The following GDE1 variants were observed in gnomAD, a reference collection of about 807,000 sequenced individuals.
The protein encoded by GDE1 is RGS16-interacting membrane protein.
A neutral mutation model predicts 32.2 loss-of-function variants in GDE1; 24 were observed. The observed-to-expected ratio is 0.75, with a 90% CI of 0.54 to 1.05. The LOEUF (loss-of-function observed/expected upper bound fraction) is 1.05. Among genes scored for constraint, GDE1 ranks in the 50% least tolerant of loss-of-function variants. The pLI is 0.00. For missense variants in GDE1, 380 were observed against 415.0 expected (o/e 0.92, Z 0.73); for synonymous variants, 159 against 158.6 (o/e 1.00, Z -0.02).
At chr16:19,503,689 G>T in intron 5 of GDE1, 72 bp from the exon 6 acceptor site, 1 of 1,287,652 alleles carries the variant, frequency 7.8e-7, no homozygotes, top group Non-Finnish European at 1.1e-6. Flanking sequence ...TGGCCACTAA[G>T]TATGGTGTTC....
At chr16:19,518,916 C>T (rs1969414421) in intron 1 of GDE1, among the ~76,000 whole-genome samples, 1 of 152,174 alleles carries the variant, frequency 6.6e-6, no homozygotes, top group Admixed American at 6.5e-5. Flanking sequence ...GCTCTCACAA[C>T]AATCAACCCC....
intron 3 of GDE1, among the ~76,000 whole-genome samples, chr16:19,509,559 G>A (rs1177541150): frequency 6.6e-6 from 1 of 151,902 alleles, no homozygotes; most frequent in Non-Finnish European, 1.5e-5. Context: ...TACAACTATC[G>A]GTTTACTAGA....
At chr16:19,508,505 A>G (rs1969276269) in intron 3 of GDE1, among the ~76,000 whole-genome samples, 1 of 152,190 alleles carries the variant, frequency 6.6e-6, no homozygotes, top group Non-Finnish European at 1.5e-5. Context: ...AATTTTTGGA[A>G]TGTTACACAT....
chr16:19,521,782 G>T lies in GDE1; in HGVS notation c.183C>A (p.Pro61=). 6.2e-7 allele frequency: 1 copy of T among 1,612,082 alleles called. No homozygotes were observed. Among genetic ancestry groups the T allele is most frequent in the South Asian group, 1.1e-5 (1 of 90,718 alleles). ...PSCRALQVLK[P]RDRISAIAHR... ...GGGCGATGGCAGAAATGCGGTCCCG[G>T]GGCTTGAGCACCTGCAGGGCCCTGC... The change falls in exon 1 of 6, where the codon CCC becomes CCA. Residue 61 remains proline, a synonymous_variant. Transcript: ENST00000353258.
chr16:19,504,823 T>G, intron 5 of GDE1, 58 bp downstream of exon 5: 1 of 1,105,586 alleles, frequency 9.0e-7, no homozygotes, highest in Middle Eastern at 2.0e-4. Context: ...AATCCTTCCT[T>G]TCAAATAAGA....
Position 19,503,450 on chromosome 16 carries a change from T to A in GDE1, c.*20A>T. On this transcript the variant is annotated 3_prime_UTR_variant, in exon 6 of 6. Transcript: ENST00000353258. ...AGGCCCCTGGCAGTTTCTGAACCCG[T>A]TTCGTCCCACCGTGAAAGTCTAGAA... 1 of 1,611,544 alleles carries A rather than the reference T, an allele frequency of 6.2e-7. No individual in the cohort carries two copies. The highest frequency in any genetic ancestry group is 8.5e-7 in the Non-Finnish European group (1 of 1,178,328).
intron 3 of GDE1, among the ~76,000 whole-genome samples, chr16:19,508,528 A>C (rs1021094085): frequency 3.3e-5 from 5 of 152,210 alleles, no homozygotes; most frequent in African/African-American, 1.2e-4. Context: ...CCCTAACCAA[A>C]TATGATGAGC....
At chr16:19,508,895 G>T (rs1567336535) in intron 3 of GDE1, among the ~76,000 whole-genome samples, 1 of 152,124 alleles carries the variant, frequency 6.6e-6, no homozygotes, top group Non-Finnish European at 1.5e-5. Flanking sequence ...TACCATCTTG[G>T]TGAATTAGGT....
chr16:19,520,726 T>TAAAA (rs761557296), intron 1 of GDE1, among the ~76,000 whole-genome samples: 3 of 54,128 alleles, frequency 5.5e-5, no homozygotes, highest in Non-Finnish European at 1.1e-4. Context: ...CTCTGTAAAG[T>TAAAA]AAAAAAAAAA....
rs1015823687 is a variant in GDE1, at chr16:19,503,574, C to T, written c.892G>A (p.Gly298Ser). ...KWSAKGIQVV[G>S]WTVNTFDEKS... ...TCATCAAAGGTATTAACAGTCCAAC[C>T]AACAACCTGGATTCCTTTAGCTGAC... Residue 298 changes from glycine to serine, a missense_variant, in exon 6 of 6, where the codon GGT (glycine) becomes AGT (serine). Transcript: ENST00000353258. 1.2e-6 allele frequency: 2 copies of T among 1,613,686 alleles called. No individual in the cohort carries two copies. Among genetic ancestry groups the T allele is most frequent in the South Asian group, 2.2e-5 (2 of 91,068 alleles).
intron 3 of GDE1, among the ~76,000 whole-genome samples, chr16:19,510,476 G>A (rs1277496304): frequency 6.6e-6 from 1 of 151,878 alleles, no homozygotes; most frequent in Non-Finnish European, 1.5e-5. Context: ...TTGGTCTTGT[G>A]TACAACTTCG....
chr16:19,516,964 A>G (rs771371809), intron 2 of GDE1, 50 bp downstream of exon 2: 3 of 1,525,162 alleles, frequency 2.0e-6, no homozygotes, highest in Non-Finnish European at 1.8e-6. Flanking sequence ...AGTGTCTGTC[A>G]TTTCCAATAA....
At chr16:19,513,584 A>G (rs1969345583) in intron 2 of GDE1, among the ~76,000 whole-genome samples, 2 of 152,102 alleles carry the variant, frequency 1.3e-5, no homozygotes, top group South Asian at 4.1e-4. Context: ...TCTTTTTCCA[A>G]TTTGGATGCC....
intron 1 of GDE1, among the ~76,000 whole-genome samples, chr16:19,518,418 G>C (rs921410508): frequency 6.6e-6 from 1 of 152,094 alleles, no homozygotes; most frequent in Admixed American, 6.6e-5. Context: ...TCACAACCCT[G>C]AAGCAGGTAC....
intron 2 of GDE1, among the ~76,000 whole-genome samples, chr16:19,513,996 T>A (rs752829675): frequency 6.6e-6 from 1 of 152,174 alleles, no homozygotes; most frequent in Admixed American, 6.5e-5. Context: ...ATGAGAAGAA[T>A]TGAAGCACAC....
At position 19,517,140 on chromosome 16, in the gene GDE1, G is replaced by C. The variant is rs751614552; in HGVS notation, c.311C>G (p.Ser104Cys). The C allele has an allele frequency of 6.2e-7, 1 of 1,613,934 alleles. No homozygotes were observed. The highest frequency in any genetic ancestry group is 1.1e-5 in the South Asian group (1 of 91,076). ...GTGCATTAAGACAGGAATCCCGTCA[G>C]AAGTAAACTCAATGTCCAACTCCAC... ...TGVELDIEFT[S>C]DGIPVLMHDN... Residue 104 changes from serine (S) to cysteine (C), a missense_variant, in exon 2 of 6, where the codon TCT (serine) becomes TGT (cysteine). By Grantham distance (112) the Ser-to-Cys change is moderately radical (BLOSUM62 -1). Transcript: ENST00000353258.
Position 19,519,473 on chromosome 16 carries a change from T to TATAC in GDE1, c.261+2230_261+2231insGTAT, listed in dbSNP as rs1491583827. Among the ~76,000 whole-genome samples the TATAC allele has an allele frequency of 1.5e-3, 214 of 146,138 alleles. 1 individual carries two copies. Among genetic ancestry groups the TATAC allele is most frequent in the African/African-American group, 5.4e-3 (211 of 39,098 alleles). ...GCATATATATATATATATATATATA[T>TATAC]ACATACACAATACTTAATAGATTAC... is the stretch of plus-strand genomic sequence containing the variant. On this transcript the variant is annotated intron_variant, in intron 1 of 5. Transcript: ENST00000353258.
chr16:19,503,587 T>A lies in GDE1; in HGVS notation c.879A>T (p.Gly293=), dbSNP rs1455177187. ...PAYLKKWSAK[G]IQVVGWTVNT... ...TAACAGTCCAACCAACAACCTGGAT[T>A]CCTTTAGCTGACCACTTCTTCAAGT... Residue 293 remains glycine (G), a synonymous_variant, in exon 6 of 6, where the codon GGA becomes GGT. Transcript: ENST00000353258. 1 of 1,613,912 alleles carries A rather than the reference T, an allele frequency of 6.2e-7. No individual in the cohort carries two copies. The highest frequency in any genetic ancestry group is 2.2e-5 in the East Asian group (1 of 44,884).
Position 19,503,325 on chromosome 16 carries a change from G to A in GDE1, c.*145C>T, listed in dbSNP as rs1294074606. The A allele has an allele frequency of 1.4e-6, 1 of 696,730 alleles. No homozygotes were observed. Among genetic ancestry groups the A allele is most frequent in the African/African-American group, 1.8e-5 (1 of 56,490 alleles). 43.2% of individuals were successfully genotyped at this position (696,730 alleles called of 1,614,324 possible). A position where few individuals can be genotyped will look rare whatever the true frequency, so the allele number is the denominator to read the frequency against. On this transcript the variant is annotated 3_prime_UTR_variant, in exon 6 of 6. Coordinates refer to ENST00000353258, the MANE Select transcript of GDE1 (RefSeq NM_016641.4). ...GGTGGCAACACCGGGTTTAGCTTTG[G>A]TTCAGGTAAAAATGCAGTGACCAAC...
Sources: allele counts gnomAD v4.1 joint callset (sites outside exome capture counted in the v4.1 genomes callset), GRCh38; gene constraint gnomAD v4.1.1; transcripts MANE v1.5; gene names NCBI Gene and HGNC (gene_info 2026-07-23, HGNC 2026-07-21).